Variants in SLC9C1 observed in about 807,000 individuals in gnomAD.
The protein encoded by SLC9C1 is solute carrier family 9 member C1, also known as sodium/hydrogen exchanger 10.
A neutral mutation model predicts 140.9 loss-of-function variants in SLC9C1; 97 were observed. The ratio of observed to expected loss-of-function variants is 0.69; its 90% CI spans 0.58 to 0.82. SLC9C1 has a LOEUF of 0.82. Ranked by LOEUF, SLC9C1 falls within the 40% of genes least tolerant of loss-of-function variation. SLC9C1 has a pLI of 0.00. For synonymous variants in SLC9C1, 440 were observed against 442.6 expected (o/e 0.99, Z 0.07); for missense variants, 1,340 against 1,389.3 (o/e 0.96, Z 0.56).
chr3:112,202,258 T>C lies in SLC9C1; in HGVS notation c.2314A>G (p.Ile772Val). 6.2e-7 allele frequency: 1 copy of C among 1,609,736 alleles called. No homozygotes were observed. Among genetic ancestry groups the C allele is most frequent in the East Asian group, 2.2e-5 (1 of 44,784 alleles). Reference protein sequence around the residue: ...IIDQITSSKQIKQMLLKQVIR... With the variant: ...IIDQITSSKQVKQMLLKQVIR... ...ATTTAAGGTTTTCTTACCTGTTTAA[T>C]CTGTTTAGAACTTGTAATCTGATCA... is the stretch of plus-strand genomic sequence containing the variant. The change falls in exon 18 of 29, where the codon ATT (isoleucine) becomes GTT (valine). Residue 772 changes from isoleucine to valine, a missense_variant. Ile to Val is a conservative substitution (Grantham distance 29, BLOSUM62 3). Coordinates refer to ENST00000305815, the MANE Select transcript of SLC9C1 (RefSeq NM_183061.3).
At chr3:112,256,684 C>T (rs2108275089) in intron 10 of SLC9C1, among the ~76,000 whole-genome samples, 1 of 152,232 alleles carries the variant, frequency 6.6e-6, no homozygotes, top group East Asian at 1.9e-4. Context: ...TCTCACCAGT[C>T]CTACTCATTA....
chr3:112,165,167 A>T (rs550045972), intron 26 of SLC9C1, among the ~76,000 whole-genome samples: 150 of 152,082 alleles, frequency 9.9e-4, no homozygotes, highest in South Asian at 1.9e-3. Context: ...CTAGTTAGCC[A>T]TTCGTCTAAG....
rs2078109797 is a variant in SLC9C1 at position 112,208,243 on chromosome 3, G to A, written c.1921C>T (p.His641Tyr). The change falls in exon 16 of 29, where the codon CAC (histidine) becomes TAC (tyrosine). Residue 641 changes from histidine to tyrosine, a missense_variant. Transcript: ENST00000305815. ...TAGTTAGTGTGTTTTAATTCGCTGT[G>A]GTAGATTACATTTAACTGGGATATC... Reference protein sequence around the residue: ...SWISQLNVIYHSELKHTNYCF... With the variant: ...SWISQLNVIYYSELKHTNYCF... 1 of 1,611,494 alleles carries A rather than the reference G, an allele frequency of 6.2e-7. No individual in the cohort carries two copies. The highest frequency in any genetic ancestry group is 8.5e-7 in the Non-Finnish European group (1 of 1,178,872).
chr3:112,287,904 A>G (rs973172027), intron 1 of SLC9C1, among the ~76,000 whole-genome samples: 9 of 152,016 alleles, frequency 5.9e-5, no homozygotes, highest in African/African-American at 1.2e-4. Flanking sequence ...TTAGCCGGGC[A>G]TGGTGGCGGG....
At chr3:112,270,914 G>A (rs1386949046) in intron 6 of SLC9C1, among the ~76,000 whole-genome samples, 3 of 152,140 alleles carry the variant, frequency 2.0e-5, no homozygotes, top group Non-Finnish European at 1.5e-5. Flanking sequence ...CCAATATATG[G>A]AGTCAACCTC....
chr3:112,239,512 T>C (rs1382384740), intron 12 of SLC9C1, among the ~76,000 whole-genome samples: 1 of 152,226 alleles, frequency 6.6e-6, no homozygotes, highest in Non-Finnish European at 1.5e-5. Context: ...GTACCTCAGT[T>C]GGAAATGCAG....
At chr3:112,219,989 G>A (rs976035112) in intron 14 of SLC9C1, among the ~76,000 whole-genome samples, 7 of 151,980 alleles carry the variant, frequency 4.6e-5, no homozygotes, top group Non-Finnish European at 4.4e-5. Context: ...AAATATGCAC[G>A]GTATTGTTTT....
intron 3 of SLC9C1, 157 bp from the exon 4 acceptor site, chr3:112,279,014 A>G: frequency 1.6e-6 from 1 of 639,898 alleles, no homozygotes; most frequent in South Asian, 2.3e-5. Flanking sequence ...AGAAACTACA[A>G]ATAATTGGCC....
intron 20 of SLC9C1, among the ~76,000 whole-genome samples, chr3:112,196,722 T>C (rs184295249): frequency 4.6e-5 from 7 of 152,278 alleles, no homozygotes; most frequent in Admixed American, 1.3e-4. Context: ...TTTACTTTTC[T>C]GCTCCAGAAT....
At chr3:112,154,007 G>A (rs1486978828) in intron 27 of SLC9C1, among the ~76,000 whole-genome samples, 5 of 152,206 alleles carry the variant, frequency 3.3e-5, no homozygotes, top group African/African-American at 1.2e-4. Flanking sequence ...GCACTTGGAT[G>A]AGGAACATCT....
At chr3:112,238,996 A>G (rs1346231498) in intron 12 of SLC9C1, among the ~76,000 whole-genome samples, 2 of 152,172 alleles carry the variant, frequency 1.3e-5, no homozygotes, top group East Asian at 3.9e-4. Flanking sequence ...TCAGATAGGG[A>G]CATTTAAGCC....
intron 6 of SLC9C1, among the ~76,000 whole-genome samples, chr3:112,273,135 T>G (rs1270428506): frequency 1.3e-5 from 2 of 152,132 alleles, no homozygotes; most frequent in Non-Finnish European, 2.9e-5. Flanking sequence ...GGTTTTTTAG[T>G]TCCCCCAAGG....
At chr3:112,199,526 T>C in intron 19 of SLC9C1, 57 bp from the exon 20 acceptor site, 1 of 1,372,430 alleles carries the variant, frequency 7.3e-7, no homozygotes. Flanking sequence ...AAATGTTTTA[T>C]GTGGACAATA....
chr3:112,283,179 T>A (rs1025318631), intron 2 of SLC9C1, among the ~76,000 whole-genome samples: 1 of 152,152 alleles, frequency 6.6e-6, no homozygotes, highest in African/African-American at 2.4e-5. Context: ...GGGGAGGGGA[T>A]CTGAATTCCC....
At chr3:112,269,724 A>T (rs1466257083) in intron 7 of SLC9C1, among the ~76,000 whole-genome samples, 192 bp downstream of exon 7, 2 of 139,320 alleles carry the variant, frequency 1.4e-5, no homozygotes, top group East Asian at 4.6e-4. Flanking sequence ...AGTGTTTGCT[A>T]ATATTGGTAC....
At chr3:112,142,503 T>G (rs2074659850) in intron 28 of SLC9C1, among the ~76,000 whole-genome samples, 1 of 152,180 alleles carries the variant, frequency 6.6e-6, no homozygotes, top group Non-Finnish European at 1.5e-5. Context: ...TAGGATTATA[T>G]AAGAAACTGC....
At chr3:112,161,669 T>C (rs1048372189) in intron 26 of SLC9C1, among the ~76,000 whole-genome samples, 5 of 152,150 alleles carry the variant, frequency 3.3e-5, no homozygotes, top group African/African-American at 1.2e-4. Context: ...TTTTGGTTAC[T>C]GCAGCCTTGT....
chr3:112,239,065 C>T (rs1038712675), intron 12 of SLC9C1, among the ~76,000 whole-genome samples: 133 of 152,336 alleles, frequency 8.7e-4, no homozygotes, highest in Non-Finnish European at 1.8e-3. Flanking sequence ...GTGGAGTCTA[C>T]AGAGGCAGGC....
intron 12 of SLC9C1, among the ~76,000 whole-genome samples, chr3:112,235,700 G>A (rs2078964860): frequency 6.6e-6 from 1 of 152,126 alleles, no homozygotes; most frequent in Non-Finnish European, 1.5e-5. Context: ...TTTTGTCAAA[G>A]GCCTTTTCTG....
Sources: gnomAD v4.1 joint callset for allele counts (sites outside exome capture counted in the v4.1 genomes callset) on GRCh38, gnomAD v4.1.1 for gene constraint, MANE v1.5 for transcripts, NCBI Gene and HGNC (gene_info 2026-07-23, HGNC 2026-07-21) for gene names.